Variants in ABCG8 observed in about 807,000 individuals in gnomAD.
ABCG8 encodes the protein ATP binding cassette subfamily G member 8, also known as ATP-binding cassette sub-family G member 8.
Under a neutral mutation model 71.3 loss-of-function variants are expected in ABCG8, and 81 were observed. The ratio of observed to expected loss-of-function variants is 1.14; its 90% CI spans 0.95 to 1.37. The LOEUF (loss-of-function observed/expected upper bound fraction) is 1.37. ABCG8 is among the 40% of genes most tolerant of loss of function. The pLI is 0.00. For synonymous variants in ABCG8, 451 were observed against 354.7 expected (o/e 1.27, Z -3.05); for missense variants, 1,119 against 866.2 (o/e 1.29, Z -3.66).
intron 6 of ABCG8, among the ~76,000 whole-genome samples, chr2:43,861,167 T>C (rs917508719): frequency 4.0e-5 from 6 of 151,476 alleles, no homozygotes; most frequent in Non-Finnish European, 8.9e-5. Context: ...TCTGTCTGGA[T>C]AGAATTCTCA....
intron 6 of ABCG8, among the ~76,000 whole-genome samples, chr2:43,860,229 C>CTGTT (rs1159579345): frequency 6.6e-6 from 1 of 150,816 alleles, no homozygotes; most frequent in Non-Finnish European, 1.5e-5. Flanking sequence ...CTCTCACTCT[C>CTGTT]TGGTAGAATT....
intron 9 of ABCG8, 46 bp downstream of exon 9, chr2:43,874,032 C>T: frequency 6.3e-7 from 1 of 1,598,584 alleles, no homozygotes; most frequent in Non-Finnish European, 8.6e-7. Context: ...TCAGCCACCT[C>T]CAAGCTGTGT....
At chr2:43,866,873 G>A (rs1255286405) in intron 6 of ABCG8, among the ~76,000 whole-genome samples, 1 of 151,140 alleles carries the variant, frequency 6.6e-6, no homozygotes, top group Non-Finnish European at 1.5e-5. Flanking sequence ...TATAAATCAT[G>A]CTGCTATAAA....
chr2:43,844,740 T>C (rs1390348917), intron 2 of ABCG8, 132 bp downstream of exon 2: 1 of 696,488 alleles, frequency 1.4e-6, no homozygotes, highest in Non-Finnish European at 2.6e-6. Flanking sequence ...TCCACATTGA[T>C]GCCTCACGTG....
intron 4 of ABCG8, 142 bp downstream of exon 4, chr2:43,851,964 T>TATA (rs1400546609): frequency 5.2e-6 from 5 of 967,896 alleles, no homozygotes; most frequent in Non-Finnish European, 8.1e-6. Context: ...AGCCCTGGGC[T>TATA]GCAGCCCACC....
Position 43,878,014 on chromosome 2 carries a change from C to A in ABCG8, c.*101C>A. On this transcript the variant is annotated 3_prime_UTR_variant, in exon 13 of 13. Coordinates refer to ENST00000272286, the MANE Select transcript of ABCG8 (RefSeq NM_022437.3). ...TCCTGGGGACAGTGAGGACAATGAC[C>A]CTACAGATGCTCAGCTACATCCGGC... 6.5e-7 allele frequency: 1 copy of A among 1,548,736 alleles called. No individual in the cohort carries two copies. Among genetic ancestry groups the A allele is most frequent in the Non-Finnish European group, 8.8e-7 (1 of 1,132,362 alleles).
intron 5 of ABCG8, 27 bp from the exon 6 acceptor site, chr2:43,852,572 C>T (rs1668961075): frequency 6.2e-7 from 1 of 1,613,920 alleles, no homozygotes; most frequent in Admixed American, 1.7e-5. Flanking sequence ...CCCACCGACT[C>T]ACCAGGCTCC....
At position 43,851,631 on chromosome 2, in the gene ABCG8, G is replaced by T; in HGVS notation, c.370G>T (p.Gly124Cys). The T allele has an allele frequency of 6.2e-7, 1 of 1,614,232 alleles. No individual in the cohort carries two copies. The highest frequency in any genetic ancestry group is 1.1e-5 in the South Asian group (1 of 91,084). Residue 124 changes from glycine (G) to cysteine (C), a missense_variant, in exon 4 of 13, where the codon GGC becomes TGC. Coordinates refer to ENST00000272286, the MANE Select transcript of ABCG8 (RefSeq NM_022437.3). ...AGATGTGATCACTGGCCGAGGTCAC[G>T]GCGGCAAGATCAAGTCAGGCCAGAT... is the stretch of plus-strand genomic sequence containing the variant. ...LLDVITGRGH[G>C]GKIKSGQIWI...
intron 11 of ABCG8, among the ~76,000 whole-genome samples, chr2:43,876,966 G>GT (rs1301543590): frequency 8.6e-5 from 13 of 150,532 alleles, no homozygotes; most frequent in Non-Finnish European, 1.5e-4. Context: ...AAAGGAGACA[G>GT]TGGGGATATG....
At chr2:43,841,562 C>T (rs973328775) in intron 1 of ABCG8, among the ~76,000 whole-genome samples, 1 of 152,166 alleles carries the variant, frequency 6.6e-6, no homozygotes, top group African/African-American at 2.4e-5. Flanking sequence ...TTTCTTCCTC[C>T]GAAAGATGAG....
rs892938254 is a variant in ABCG8, at chr2:43,846,147, C to T, written c.166-8C>T. ...CTCTCTAAGGAACCTTCTGATATCTCCCCACAGGTGGACCTGGCCTCTCAG... is the reference window on the plus strand; with the variant it reads ...CTCTCTAAGGAACCTTCTGATATCTTCCCACAGGTGGACCTGGCCTCTCAG... On this transcript the variant is annotated splice_region_variant and splice_polypyrimidine_tract_variant and intron_variant, in intron 2 of 12. Transcript: ENST00000272286. 2 of 1,612,702 alleles carry T rather than the reference C, an allele frequency of 1.2e-6. No individual in the cohort carries two copies. Among genetic ancestry groups the T allele is most frequent in the East Asian group, 2.2e-5 (1 of 44,892 alleles).
intron 11 of ABCG8, 151 bp from the exon 12 acceptor site, chr2:43,877,410 G>A: frequency 7.9e-7 from 1 of 1,259,692 alleles, no homozygotes; most frequent in Non-Finnish European, 1.1e-6. Flanking sequence ...TGAATATATG[G>A]GAGACTGTGG....
At position 43,852,895 on chromosome 2, in the gene ABCG8, G is replaced by A; in HGVS notation, c.964+27G>A. 3.1e-6 allele frequency: 5 copies of A among 1,611,758 alleles called. No homozygotes were observed. The African/African-American group carries it at 4.0e-5, about 13-fold the overall frequency. On this transcript the variant is annotated intron_variant, in intron 6 of 12. Coordinates refer to ENST00000272286, the MANE Select transcript of ABCG8 (RefSeq NM_022437.3). Reference sequence around the variant, plus strand: ...TGAGTCCCCAAGGCCAGCAGCCAGGGCCCTGGCACACAGGGCCTCCCCGAT... The same window carrying A: ...TGAGTCCCCAAGGCCAGCAGCCAGGACCCTGGCACACAGGGCCTCCCCGAT...
chr2:43,853,868 C>T (rs566616620), intron 6 of ABCG8, among the ~76,000 whole-genome samples: 4 of 152,288 alleles, frequency 2.6e-5, no homozygotes, highest in African/African-American at 9.6e-5. Flanking sequence ...CCCAAGTTCT[C>T]CACCATCCTT....
intron 3 of ABCG8, among the ~76,000 whole-genome samples, chr2:43,849,627 C>T (rs1032734684): frequency 4.6e-5 from 7 of 152,302 alleles, no homozygotes; most frequent in East Asian, 1.9e-4. Context: ...GGCTCCCCAC[C>T]GCTCTCACAA....
chr2:43,845,121 A>T (rs182493523), intron 2 of ABCG8, among the ~76,000 whole-genome samples: 13 of 133,094 alleles, frequency 9.8e-5, no homozygotes, highest in African/African-American at 1.7e-4. Flanking sequence ...TATATATATA[A>T]TTTTTTTTTT....
chr2:43,873,177 C>T (rs1290483500), intron 8 of ABCG8, among the ~76,000 whole-genome samples: 1 of 150,338 alleles, frequency 6.7e-6, no homozygotes, highest in Admixed American at 6.7e-5. Context: ...CAGCAGACAT[C>T]ATTGAGCGTA....
rs1441135482 is a variant in ABCG8, at chr2:43,844,249, G to C, written c.64-258G>C. Among the ~76,000 whole-genome samples the C allele has an allele frequency of 1.1e-4, 17 of 152,160 alleles. 1 individual carries two copies. Among genetic ancestry groups the C allele is most frequent in the Admixed American group, 1.1e-3 (17 of 15,278 alleles). Reference sequence around the variant, plus strand: ...GCTTGGCTTCAGGCTCCACCAGCCTGAGGTTGAGGTTCTCTGGGAAGGTGC... The same window carrying C: ...GCTTGGCTTCAGGCTCCACCAGCCTCAGGTTGAGGTTCTCTGGGAAGGTGC... On this transcript the variant is annotated intron_variant, in intron 1 of 12. Coordinates refer to ENST00000272286, the MANE Select transcript of ABCG8 (RefSeq NM_022437.3).
chr2:43,873,765 T>A (rs749765676), intron 8 of ABCG8, 22 bp from the exon 9 acceptor site: 1 of 1,613,676 alleles, frequency 6.2e-7, no homozygotes, highest in Admixed American at 1.7e-5. Context: ...TGCCTCAGCA[T>A]CTCTTCCTTT....
Sources: allele counts gnomAD v4.1 joint callset (sites outside exome capture counted in the v4.1 genomes callset), GRCh38; gene constraint gnomAD v4.1.1; transcripts MANE v1.5; gene names NCBI Gene and HGNC (gene_info 2026-07-23, HGNC 2026-07-21).